The following CALB1 variants were observed in gnomAD, a reference collection of about 807,000 sequenced individuals.
CALB1 encodes the protein calbindin.
Under a neutral mutation model 46.7 loss-of-function variants are expected in CALB1, and 16 were observed. The observed-to-expected ratio is 0.34, with a 90% CI of 0.23 to 0.52. CALB1 has a LOEUF of 0.52. CALB1 is among the 20% of genes least tolerant of loss of function. CALB1 has a pLI of 0.95. For synonymous variants in CALB1, 90 were observed against 112.8 expected (o/e 0.80, Z 1.28); for missense variants, 224 against 300.3 (o/e 0.75, Z 1.88).
At position 90,066,054 on chromosome 8, in the gene CALB1, G is replaced by A; in HGVS notation, c.373-79C>T. 6 of 908,096 alleles carry A rather than the reference G, an allele frequency of 6.6e-6. No homozygotes were observed. In the South Asian group the frequency reaches 7.0e-5, roughly 11 times the overall value. 56.3% of individuals were successfully genotyped at this position (908,096 alleles called of 1,614,324 possible). A position where few individuals can be genotyped will look rare whatever the true frequency, so the allele number is the denominator to read the frequency against. ...TTCATTTCAGAATGCCTTGGAACAG[G>A]ACATACCAGGAATGCAAAGAAAGTC... On this transcript the variant is annotated intron_variant, in intron 5 of 10. Transcript: ENST00000265431.
chr8:90,081,726 G>T (rs996088537), intron 2 of CALB1, among the ~76,000 whole-genome samples: 1 of 151,830 alleles, frequency 6.6e-6, no homozygotes, highest in African/African-American at 2.4e-5. Flanking sequence ...CAGATAGCAA[G>T]GTTTTTCCCT....
In CALB1 at chr8:90,063,265, G is replaced by C; in HGVS notation, c.546+16C>G. ...TTCAAGGAAAATATTATTTAAGGTA[G>C]TAAAAAGTTAAGTACCTGGAATTTA... On this transcript the variant is annotated intron_variant, in intron 8 of 10. Transcript: ENST00000265431. 1.9e-6 allele frequency: 3 copies of C among 1,584,634 alleles called. No homozygotes were observed.
At chr8:90,066,314 A>G (rs891780989) in intron 5 of CALB1, among the ~76,000 whole-genome samples, 3 of 151,994 alleles carry the variant, frequency 2.0e-5, no homozygotes, top group Non-Finnish European at 2.9e-5. Flanking sequence ...CTTCTTACTG[A>G]TATCTTCACA....
chr8:90,061,327 AAAG>A (rs766354771), intron 9 of CALB1: 2 of 152,176 alleles, frequency 1.3e-5, no homozygotes, highest in East Asian at 3.8e-4. Context: ...TTTCCTATGA[AAAG>A]AAGGAGTTAT....
At chr8:90,081,284 C>CATGAATTTT (rs886600454) in intron 2 of CALB1, 15 of 158,654 alleles carry the variant, frequency 9.5e-5, no homozygotes, top group Non-Finnish European at 1.6e-4. Flanking sequence ...GCTTTTTTTA[C>CATGAATTTT]AATACATGAA....
At chr8:90,074,667 T>G (rs765005465) in intron 3 of CALB1, among the ~76,000 whole-genome samples, 1 of 152,184 alleles carries the variant, frequency 6.6e-6, no homozygotes, top group Non-Finnish European at 1.5e-5. Context: ...CCACTGCAGA[T>G]GAAAAGAGGG....
intron 1 of CALB1, 92 bp from the exon 2 acceptor site, chr8:90,082,194 C>CGA: frequency 8.9e-7 from 1 of 1,123,140 alleles, no homozygotes; most frequent in East Asian, 2.3e-5. Flanking sequence ...TCTGGCGACC[C>CGA]GAGAGGCTCT....
intron 8 of CALB1, 34 bp downstream of exon 8, chr8:90,063,247 A>T: frequency 6.4e-7 from 1 of 1,562,342 alleles, no homozygotes; most frequent in Non-Finnish European, 8.8e-7. Context: ...CTTTTCAAGG[A>T]AAATATTATT....
At chr8:90,064,398 C>G (rs1416720594) in intron 6 of CALB1, 1 of 151,574 alleles carries the variant, frequency 6.6e-6, no homozygotes, top group African/African-American at 2.4e-5. Context: ...AGCTCGATTA[C>G]TTAGTTTTGT....
In CALB1 at chr8:90,069,247, A is replaced by G; in HGVS notation, c.232-10T>C. Reference sequence around the variant, plus strand: ...GTAATACGTGAGCCAACTGGAAAAGATTTAAGAAGAGAGAAACGTGTTGTA... The same window carrying G: ...GTAATACGTGAGCCAACTGGAAAAGGTTTAAGAAGAGAGAAACGTGTTGTA... On this transcript the variant is annotated splice_polypyrimidine_tract_variant and intron_variant, in intron 3 of 10. Transcript: ENST00000265431. 6.2e-7 allele frequency: 1 copy of G among 1,607,648 alleles called. No individual in the cohort carries two copies. The highest frequency in any genetic ancestry group is 1.1e-5 in the South Asian group (1 of 90,912).
chr8:90,065,992 C>T lies in CALB1; in HGVS notation c.373-17G>A, dbSNP rs779011217. On this transcript the variant is annotated splice_polypyrimidine_tract_variant and intron_variant, in intron 5 of 10. Transcript: ENST00000265431. ...TAGAAAGTTCTGTTAAAACAAAGAA[C>T]ACTTAGATTAATTTCATTAATAATA... The T allele has an allele frequency of 6.6e-7, 1 of 1,510,162 alleles. No individual in the cohort carries two copies. Among genetic ancestry groups the T allele is most frequent in the South Asian group, 1.1e-5 (1 of 88,646 alleles). 93.5% of individuals were successfully genotyped at this position (1,510,162 alleles called of 1,614,324 possible).
intron 3 of CALB1, among the ~76,000 whole-genome samples, chr8:90,077,958 C>G: frequency 6.6e-6 from 1 of 151,982 alleles, no homozygotes; most frequent in East Asian, 1.9e-4. Context: ...TTTTAAAAGT[C>G]AAGTCTACAC....
At chr8:90,081,433 T>A (rs1814730042) in intron 2 of CALB1, 1 of 973,960 alleles carries the variant, frequency 1.0e-6, no homozygotes, top group Non-Finnish European at 1.2e-6. Context: ...GAGGACAAGA[T>A]GTTTTCTCAT....
At chr8:90,062,913 A>G (rs1368670581) in intron 9 of CALB1, 187 bp downstream of exon 9, 1 of 496,534 alleles carries the variant, frequency 2.0e-6, no homozygotes, top group Non-Finnish European at 3.6e-6. Flanking sequence ...GGGAAGGAGA[A>G]ATGACGAGTT....
intron 6 of CALB1, 26 bp downstream of exon 6, chr8:90,065,872 T>G: frequency 6.8e-7 from 1 of 1,460,432 alleles, no homozygotes; most frequent in Non-Finnish European, 9.6e-7. Flanking sequence ...AGCTCTTGGG[T>G]ACAATCTTTT....
chr8:90,062,901 G>T (rs1339663461), intron 9 of CALB1, 199 bp downstream of exon 9: 1 of 483,846 alleles, frequency 2.1e-6, no homozygotes, highest in Non-Finnish European at 3.7e-6. Context: ...TGCCAGGGCT[G>T]GGGGAAGGAG....
At chr8:90,064,329 T>C (rs1326754108) in intron 6 of CALB1, 1 of 151,774 alleles carries the variant, frequency 6.6e-6, no homozygotes, top group African/African-American at 2.4e-5. Flanking sequence ...GACAAAACAT[T>C]TTATAATCCA....
At chr8:90,063,589 A>G in intron 6 of CALB1, 128 bp from the exon 7 acceptor site, 1 of 711,816 alleles carries the variant, frequency 1.4e-6, no homozygotes, top group Non-Finnish European at 2.3e-6. Context: ...TTTAAAAACT[A>G]GCATTTTTAA....
intron 6 of CALB1, among the ~76,000 whole-genome samples, chr8:90,065,004 A>G (rs114136850): frequency 1.3e-5 from 2 of 151,808 alleles, no homozygotes; most frequent in Non-Finnish European, 3.0e-5. Flanking sequence ...TCCTTCTTCA[A>G]TCTAATATAA....
Sources: gnomAD v4.1 joint callset for allele counts (sites outside exome capture counted in the v4.1 genomes callset) on GRCh38, gnomAD v4.1.1 for gene constraint, MANE v1.5 for transcripts, NCBI Gene and HGNC (gene_info 2026-07-23, HGNC 2026-07-21) for gene names.